SERPINA12: variants seen among roughly 807,000 people sequenced by gnomAD.
The protein encoded by SERPINA12 is serpin family A member 12.
A neutral mutation model predicts 25.9 loss-of-function variants in SERPINA12; 21 were observed. The observed-to-expected ratio is 0.81, with a 90% CI of 0.58 to 1.17. SERPINA12 has a LOEUF of 1.17. Among genes scored for constraint, SERPINA12 ranks in the 50% most tolerant of loss-of-function variants. The probability of loss-of-function intolerance (pLI) is 0.00; values close to 1 mark genes in which losing one functional copy is unlikely to be tolerated. For missense variants in SERPINA12, 562 were observed against 508.3 expected (o/e 1.11, Z -1.02); for synonymous variants, 220 against 196.0 (o/e 1.12, Z -1.02).
intron 3 of SERPINA12, among the ~76,000 whole-genome samples, chr14:94,495,961 G>A (rs143230928): frequency 2.6e-5 from 4 of 152,258 alleles, no homozygotes; most frequent in African/African-American, 9.6e-5. Flanking sequence ...TACTTCATGG[G>A]TTTTGTTGTG....
At chr14:94,504,663 G>A (rs1050640221) in intron 1 of SERPINA12, among the ~76,000 whole-genome samples, 2 of 152,198 alleles carry the variant, frequency 1.3e-5, no homozygotes, top group African/African-American at 2.4e-5. Flanking sequence ...CGTAGATTCC[G>A]TTAGGAAGAA....
chr14:94,487,692 G>C (rs980627145), intron 4 of SERPINA12, among the ~76,000 whole-genome samples, 198 bp from the exon 5 acceptor site: 1 of 152,150 alleles, frequency 6.6e-6, no homozygotes, highest in African/African-American at 2.4e-5. Flanking sequence ...CCGTGTGAAG[G>C]AAAAGATGGT....
At chr14:94,503,971 T>C (rs1439009107) in intron 1 of SERPINA12, 1 of 152,200 alleles carries the variant, frequency 6.6e-6, no homozygotes, top group Non-Finnish European at 1.5e-5. Context: ...TTCAACAAAT[T>C]CTTCAAGAGG....
intron 3 of SERPINA12, among the ~76,000 whole-genome samples, chr14:94,493,622 A>G (rs1357723607): frequency 6.6e-6 from 1 of 151,972 alleles, no homozygotes; most frequent in Non-Finnish European, 1.5e-5. Flanking sequence ...ACAAGACACC[A>G]CTGAGAGCAG....
At chr14:94,509,199 AT>A (rs1901035858) in intron 1 of SERPINA12, among the ~76,000 whole-genome samples, 142 bp downstream of exon 1, 3 of 151,384 alleles carry the variant, frequency 2.0e-5, no homozygotes, top group Admixed American at 6.6e-5. Context: ...AGGGCTAGGC[AT>A]GAGAAGGACG....
chr14:94,511,541 A>C, upstream of SERPINA12: 1 of 985,320 alleles, frequency 1.0e-6, no homozygotes, highest in Non-Finnish European at 1.2e-6. Context: ...GGGATGGCTC[A>C]CTCTAGTATT....
chr14:94,494,774 C>T (rs1403072007), intron 3 of SERPINA12, among the ~76,000 whole-genome samples: 1 of 152,220 alleles, frequency 6.6e-6, no homozygotes, highest in African/African-American at 2.4e-5. Context: ...CAATGCTGTG[C>T]TAAGGCACAT....
At chr14:94,491,373 T>C (rs529673942) in intron 3 of SERPINA12, among the ~76,000 whole-genome samples, 1 of 152,112 alleles carries the variant, frequency 6.6e-6, no homozygotes, top group African/African-American at 2.4e-5. Context: ...TTAGACAAAT[T>C]GGGGTTTTTT....
chr14:94,506,319 C>T (rs1900931716), intron 1 of SERPINA12, among the ~76,000 whole-genome samples: 1 of 152,152 alleles, frequency 6.6e-6, no homozygotes, highest in Admixed American at 6.5e-5. Flanking sequence ...GACCATGCCA[C>T]ACCCTAACTC....
At chr14:94,515,000 A>G (rs574292939) in intron 2 of SERPINA12, among the ~76,000 whole-genome samples, 1 of 152,264 alleles carries the variant, frequency 6.6e-6, no homozygotes, top group East Asian at 1.9e-4. Flanking sequence ...GTCTGGCCAG[A>G]AAAGAAGGCC....
upstream of SERPINA12, among the ~76,000 whole-genome samples, chr14:94,511,152 C>T (rs986720353): frequency 6.6e-6 from 1 of 152,076 alleles, no homozygotes; most frequent in Admixed American, 6.5e-5. Flanking sequence ...TGCAAAAAAG[C>T]CCATAATTTA....
rs1900416523 is a variant in SERPINA12 at position 94,496,356 on chromosome 14, C to G, written c.905+17G>C. 1.9e-6 allele frequency: 3 copies of G among 1,613,828 alleles called. No individual in the cohort carries two copies. The African/African-American group carries it at 4.0e-5, about 22-fold the overall frequency. On this transcript the variant is annotated intron_variant, in intron 3 of 4. Coordinates refer to ENST00000677451, the MANE Select transcript of SERPINA12 (RefSeq NM_001382267.1). ...CAAGAGAAGGAAAAAGCTGCGAGGG[C>G]TAGGCACCCACTTTACCTGCGTGAC...
chr14:94,498,748 T>C (rs1900583546), intron 1 of SERPINA12, among the ~76,000 whole-genome samples: 1 of 152,206 alleles, frequency 6.6e-6, no homozygotes, highest in Non-Finnish European at 1.5e-5. Flanking sequence ...CCCCGTAGTG[T>C]AGGCATATGG....
intron 2 of SERPINA12, among the ~76,000 whole-genome samples, chr14:94,514,817 C>A (rs1215556215): frequency 6.6e-6 from 1 of 152,136 alleles, no homozygotes; most frequent in Non-Finnish European, 1.5e-5. Context: ...GCTTCTGCAG[C>A]CACTGGTCGG....
intron 3 of SERPINA12, among the ~76,000 whole-genome samples, chr14:94,491,602 C>G (rs1900182398): frequency 6.6e-6 from 1 of 151,904 alleles, no homozygotes; most frequent in Admixed American, 6.6e-5. Flanking sequence ...CGGAAAGATA[C>G]CAAATTCCAG....
At chr14:94,517,192 T>C (rs370039106) in intron 1 of SERPINA12, among the ~76,000 whole-genome samples, 15,552 of 152,272 alleles carry the variant, frequency 0.1, 1,100 homozygotes, top group Non-Finnish European at 0.16. Flanking sequence ...TGGGACCATG[T>C]GTAGCACAGC....
chr14:94,513,917 C>A (rs1901167899), upstream of SERPINA12, among the ~76,000 whole-genome samples: 1 of 152,156 alleles, frequency 6.6e-6, no homozygotes, highest in Non-Finnish European at 1.5e-5. Context: ...GATGAACAGC[C>A]TGGAGGTTGC....
chr14:94,489,149 G>GAGAGAAAGAA (rs1555376675), intron 4 of SERPINA12, among the ~76,000 whole-genome samples: 41 of 145,924 alleles, frequency 2.8e-4, no homozygotes, highest in Non-Finnish European at 4.8e-4. Context: ...GAGAGAGAGA[G>GAGAGAAAGAA]AGAAAGAAAG....
upstream of SERPINA12, chr14:94,509,875 TC>T: frequency 1.7e-6 from 1 of 603,754 alleles, no homozygotes; most frequent in African/African-American, 2.0e-5. Flanking sequence ...TTGAGCAGAA[TC>T]GTCCACCCCA....
Sources: gnomAD v4.1 joint callset for allele counts (sites outside exome capture counted in the v4.1 genomes callset) on GRCh38, gnomAD v4.1.1 for gene constraint, MANE v1.5 for transcripts, NCBI Gene and HGNC (gene_info 2026-07-23, HGNC 2026-07-21) for gene names.